The following PPP2R5B variants were observed in gnomAD, a reference collection of about 807,000 sequenced individuals.
PPP2R5B encodes the protein protein phosphatase 2 regulatory subunit B'beta.
PPP2R5B carries 19 observed loss-of-function variants against 59.9 expected under a neutral mutation model. That is an observed-to-expected ratio of 0.32 (90% CI 0.22 to 0.47). The LOEUF (loss-of-function observed/expected upper bound fraction) is 0.47. PPP2R5B is among the 20% of genes least tolerant of loss of function. The pLI is 1.00. For missense variants in PPP2R5B, 441 were observed against 640.2 expected, an observed-to-expected ratio of 0.69 and a Z score of 3.36; for synonymous variants, 286 against 260.5, an observed-to-expected ratio of 1.10 and a Z score of -0.94.
rs1324477570 is a variant in PPP2R5B at position 64,928,171 on chromosome 11, G to GCC, written c.591+15_591+16dup. 2 of 1,614,094 alleles carry GCC rather than the reference G, an allele frequency of 1.2e-6. No homozygotes were observed. The highest frequency in any genetic ancestry group is 4.5e-5 in the East Asian group (2 of 44,878). On this transcript the variant is annotated intron_variant, in intron 5 of 13. Transcript: ENST00000164133. ...GTTTGTCCTGATGGTGAAGTGGGGA[G>GCC]CCCAGGCTGGGTGGTACCACAAGGC...
chr11:64,921,858 C>G (rs1945112462), upstream of PPP2R5B, among the ~76,000 whole-genome samples: 2 of 152,082 alleles, frequency 1.3e-5, no homozygotes, highest in Admixed American at 1.3e-4. Context: ...AAATTGGTGA[C>G]TTTTTTTTGT....
In PPP2R5B at chr11:64,928,406, T is replaced by G; in HGVS notation, c.703T>G (p.Cys235Gly). The change falls in exon 6 of 14, where the codon TGC becomes GGC. Residue 235 changes from cysteine to glycine, a missense_variant. By Grantham distance (159) the Cys-to-Gly change is radical. This residue lies in a region of PPP2R5B where 268 missense variants were observed against 488.1 expected (regional missense o/e 0.55). Coordinates refer to ENST00000164133, the MANE Select transcript of PPP2R5B (RefSeq NM_006244.4). ...TCTCCGGGCCTACATCCGCAAACAG[T>G]GCAACCACATCTTCCTCCGGTGAGT... ...LGLRAYIRKQCNHIFLRFIYE... is the reference protein window; with the variant it reads ...LGLRAYIRKQGNHIFLRFIYE... The G allele has an allele frequency of 6.2e-7, 1 of 1,614,216 alleles. No homozygotes were observed. Among genetic ancestry groups the G allele is most frequent in the Non-Finnish European group, 8.5e-7 (1 of 1,180,020 alleles).
chr11:64,927,950 C>T (rs1461912286), intron 4 of PPP2R5B, 47 bp downstream of exon 4: 2 of 1,569,830 alleles, frequency 1.3e-6, no homozygotes, highest in South Asian at 2.2e-5. Flanking sequence ...AGAAGAGATC[C>T]AAGGCATGGG....
intron 2 of PPP2R5B, among the ~76,000 whole-genome samples, chr11:64,926,211 G>T (rs1590676256): frequency 6.6e-6 from 1 of 152,346 alleles, no homozygotes; most frequent in African/African-American, 2.4e-5. Flanking sequence ...GGGTTCCAGG[G>T]GGCCACTATC....
intron 3 of PPP2R5B, 72 bp downstream of exon 3, chr11:64,926,980 C>G: frequency 6.6e-7 from 1 of 1,522,716 alleles, no homozygotes; most frequent in South Asian, 1.2e-5. Context: ...GTCCGCAGGA[C>G]CCCTGCGTGG....
Position 64,925,476 on chromosome 11 carries a change from G to T in PPP2R5B, c.-259G>T. 2.4e-6 allele frequency: 1 copy of T among 408,208 alleles called. No homozygotes were observed. Among genetic ancestry groups the T allele is most frequent in the Non-Finnish European group, 4.4e-6 (1 of 225,858 alleles). The allele number at this position is 408,208 out of a possible 1,614,324, so 25.3% of individuals were successfully genotyped here. On this transcript the variant is annotated 5_prime_UTR_variant, in exon 2 of 14. It adds an upstream start codon to the 5' untranslated region. Transcript: ENST00000164133. This position sits in a 1 kb window ranked among gnomAD's most constrained non-coding sequence, Gnocchi z 4.6. ...CCTGACTTCGTTTTCAAAAGAGCCAGGGTGGGAACCCTAACTGGACTCTTC... is the reference window on the plus strand; with the variant it reads ...CCTGACTTCGTTTTCAAAAGAGCCATGGTGGGAACCCTAACTGGACTCTTC...
intron 6 of PPP2R5B, among the ~76,000 whole-genome samples, chr11:64,929,158 A>T (rs1281335012): frequency 6.6e-6 from 1 of 152,194 alleles, no homozygotes; most frequent in Non-Finnish European, 1.5e-5. Flanking sequence ...GTAGAGGCCA[A>T]GAGAGATGAA....
At chr11:64,920,627 G>A (rs1329973748), upstream of PPP2R5B, among the ~76,000 whole-genome samples, 3 of 116,808 alleles carry the variant, frequency 2.6e-5, no homozygotes, top group Non-Finnish European at 5.1e-5. Context: ...TTTAGGTCCA[G>A]CAGTTATTTT....
chr11:64,931,793 GCCCT>G lies in PPP2R5B; in HGVS notation c.1045_1048del (p.Gln350LeufsTer2). On this transcript the variant is annotated frameshift_variant, in exon 11 of 14. Transcript: ENST00000164133. LOFTEE classifies it high-confidence loss of function. This position sits in a 1 kb window ranked among gnomAD's most constrained non-coding sequence, Gnocchi z 5.0. ...TGGAAGAGATTCTTGATGTCATCGAGCCCTCCCAGTTTGTGAAGATCCAGGAGCC... is the reference window on the plus strand; with the variant it reads ...TGGAAGAGATTCTTGATGTCATCGAGCCCAGTTTGTGAAGATCCAGGAGCC... The G allele has an allele frequency of 6.2e-7, 1 of 1,614,168 alleles. No homozygotes were observed. The highest frequency in any genetic ancestry group is 8.5e-7 in the Non-Finnish European group (1 of 1,180,042).
Position 64,924,993 on chromosome 11 carries a change from C to T in PPP2R5B, c.-300C>T, listed in dbSNP as rs1393416868. 3 of 152,312 alleles carry T rather than the reference C, an allele frequency of 2.0e-5. No individual in the cohort carries two copies. The highest frequency in any genetic ancestry group is 7.2e-5 in the African/African-American group (3 of 41,472). The allele number at this position is 152,312 out of a possible 1,614,324, so 9.4% of individuals were successfully genotyped here. ...CCGTCGCCCTCCCTACGGGCAGCCC[C>T]CGGGGGTTGGCGACCGAAGTCTAGG... On this transcript the variant is annotated 5_prime_UTR_variant, in exon 1 of 14. Transcript: ENST00000164133.
rs1945216432 is a variant in PPP2R5B at position 64,930,456 on chromosome 11, T to C, written c.783-25T>C. 3 of 1,613,716 alleles carry C rather than the reference T, an allele frequency of 1.9e-6. No homozygotes were observed. The African/African-American group carries it at 4.0e-5, about 22-fold the overall frequency. ...CTGGGGCCAGGTCACCTGAGCCCTC[T>C]TCCTCTCTTCTGCCTCCTCCTCAGC... On this transcript the variant is annotated intron_variant, in intron 7 of 13. Coordinates refer to ENST00000164133, the MANE Select transcript of PPP2R5B (RefSeq NM_006244.4).
At chr11:64,930,140 G>A (rs1251776491) in intron 6 of PPP2R5B, among the ~76,000 whole-genome samples, 182 bp from the exon 7 acceptor site, 1 of 152,084 alleles carries the variant, frequency 6.6e-6, no homozygotes, top group African/African-American at 2.4e-5. Flanking sequence ...GGGCATTTCA[G>A]TGTGGGGGGG....
rs1224846497 is a variant in PPP2R5B, at chr11:64,931,068, A to G, written c.892-368A>G. ...TAAAAAAAATTTTTTTTTTGTAGAG[A>G]CAGTGTCTTGCTATGTTACCTAGGC... On this transcript the variant is annotated intron_variant, in intron 8 of 13. Transcript: ENST00000164133. This position sits in a 1 kb window ranked among gnomAD's most constrained non-coding sequence, Gnocchi z 5.0. Among the ~76,000 whole-genome samples the G allele has an allele frequency of 3.1e-4, 47 of 151,864 alleles. No homozygotes were observed. Among genetic ancestry groups the G allele is most frequent in the Non-Finnish European group, 4.4e-5 (3 of 67,970 alleles).
chr11:64,926,963 G>A (rs928185208), intron 3 of PPP2R5B, 55 bp downstream of exon 3: 17 of 1,573,972 alleles, frequency 1.1e-5, no homozygotes, highest in Admixed American at 5.5e-5. Context: ...TGTGAGCCCC[G>A]TTTCCTGTCC....
rs1296797099 is a variant in PPP2R5B, at chr11:64,931,268, C to A, written c.892-168C>A. ...AGATCAGAGTTGTATTCCCAGCACA[C>A]TGAATGTGATGCCTGGTACATCCTA... On this transcript the variant is annotated intron_variant, in intron 8 of 13. Transcript: ENST00000164133. The surrounding 1 kb of genome is among the most constrained non-coding windows in gnomAD (Gnocchi z 5.0). Among the ~76,000 whole-genome samples, 3 of 152,176 alleles carry A rather than the reference C, an allele frequency of 2.0e-5. No individual in the cohort carries two copies. Among genetic ancestry groups the A allele is most frequent in the African/African-American group, 7.2e-5 (3 of 41,430 alleles).
chr11:64,932,217 T>C (rs1020619415), intron 11 of PPP2R5B, among the ~76,000 whole-genome samples: 3 of 152,236 alleles, frequency 2.0e-5, no homozygotes, highest in African/African-American at 4.8e-5. Context: ...AGGACTGTTA[T>C]CACTTTTCCC....
Position 64,931,539 on chromosome 11 carries a change from T to G in PPP2R5B, c.946-20T>G. Reference sequence around the variant, plus strand: ...AGCCTCTCACCTCTGCAGGCGTGACTCCTGTCTCATCTCCCACAGGTGATC... The same window carrying G: ...AGCCTCTCACCTCTGCAGGCGTGACGCCTGTCTCATCTCCCACAGGTGATC... On this transcript the variant is annotated intron_variant, in intron 9 of 13. Transcript: ENST00000164133. The surrounding 1 kb of genome is among the most constrained non-coding windows in gnomAD (Gnocchi z 5.0). 6.2e-7 allele frequency: 1 copy of G among 1,614,076 alleles called. No homozygotes were observed. Among genetic ancestry groups the G allele is most frequent in the Non-Finnish European group, 8.5e-7 (1 of 1,179,982 alleles).
At chr11:64,923,114 C>G (rs1945125391), upstream of PPP2R5B, 1 of 152,224 alleles carries the variant, frequency 6.6e-6, no homozygotes, top group African/African-American at 2.4e-5. Context: ...TATGAGCCAT[C>G]ACACCTGGCC....
chr11:64,925,645 C>T lies in PPP2R5B; in HGVS notation c.-90C>T. The T allele has an allele frequency of 1.8e-6, 1 of 558,854 alleles. No individual in the cohort carries two copies. The highest frequency in any genetic ancestry group is 3.1e-6 in the Non-Finnish European group (1 of 325,878). The allele number at this position is 558,854 out of a possible 1,614,324, so 34.6% of individuals were successfully genotyped here. A position where few individuals can be genotyped will look rare whatever the true frequency, so the allele number is the denominator to read the frequency against. On this transcript the variant is annotated 5_prime_UTR_variant, in exon 2 of 14. Coordinates refer to ENST00000164133, the MANE Select transcript of PPP2R5B (RefSeq NM_006244.4). The surrounding 1 kb of genome is among the most constrained non-coding windows in gnomAD (Gnocchi z 4.6). ...CCCCCAAAGGCCGGACAGGATGGGA[C>T]CAAGTTAGTCTGTCCAGTCTCACCC...
Sources: gnomAD v4.1 joint callset for allele counts (sites outside exome capture counted in the v4.1 genomes callset) on GRCh38, gnomAD v4.1.1 for gene constraint, gnomAD v4.1.1 regional missense constraint, Gnocchi (gnomAD v3.1) non-coding constraint, MANE v1.5 for transcripts, NCBI Gene and HGNC (gene_info 2026-07-23, HGNC 2026-07-21) for gene names.